The following MASTL variants were observed in gnomAD, a reference collection of about 807,000 sequenced individuals.
MASTL encodes the protein microtubule associated serine/threonine kinase like, also known as serine/threonine-protein kinase greatwall.
Under a neutral mutation model 82.5 loss-of-function variants are expected in MASTL, and 54 were observed. That is an observed-to-expected ratio of 0.65 (90% CI 0.53 to 0.82). The LOEUF (loss-of-function observed/expected upper bound fraction) is 0.82. Ranked by LOEUF, MASTL falls within the 40% of genes least tolerant of loss-of-function variation. MASTL has a pLI of 0.00. For synonymous variants in MASTL, 323 were observed against 368.9 expected (o/e 0.88, Z 1.43); for missense variants, 950 against 1,047.8 (o/e 0.91, Z 1.29).
chr10:27,186,700 G>A lies in MASTL; in HGVS notation c.*164G>A, dbSNP rs1422211488. 1 of 675,714 alleles carries A rather than the reference G, an allele frequency of 1.5e-6. No individual in the cohort carries two copies. The highest frequency in any genetic ancestry group is 1.7e-5 in the South Asian group (1 of 58,930). The allele number at this position is 675,714 out of a possible 1,614,324, so 41.9% of individuals were successfully genotyped here. A position where few individuals can be genotyped will look rare whatever the true frequency, so the allele number is the denominator to read the frequency against. ...CTTTCACAGAGTTAAAAGGCTGAAA[G>A]GAATATAGTCAGTAATTTATCTTAA... On this transcript the variant is annotated 3_prime_UTR_variant, in exon 12 of 12. Coordinates refer to ENST00000375940, the MANE Select transcript of MASTL (RefSeq NM_001172303.3).
intron 6 of MASTL, 124 bp from the exon 7 acceptor site, chr10:27,166,977 TG>T: frequency 1.7e-5 from 2 of 116,544 alleles, no homozygotes; most frequent in East Asian, 8.3e-5. Context: ...AGTTCTGATA[TG>T]TAATTCTTAA....
intron 4 of MASTL, among the ~76,000 whole-genome samples, chr10:27,162,935 G>A (rs1017143476): frequency 6.6e-6 from 1 of 151,918 alleles, no homozygotes; most frequent in Non-Finnish European, 1.5e-5. Context: ...GTTTGTTTTG[G>A]GATGGGGTTT....
rs115106246 is a variant in MASTL, at chr10:27,159,190, C to T, written c.325-429C>T. 6.8e-4 allele frequency among the ~76,000 whole-genome samples: 103 copies of T among 152,298 alleles called. No homozygotes were observed. The highest frequency in any genetic ancestry group is 2.4e-3 in the African/African-American group (99 of 41,564). The stretch of plus-strand genomic sequence containing the variant: ...TGCAATCTTGGCCACTCTGCACCTC[C>T]TGGGTTCAAGCAATTCTTGTGCCTC... On this transcript the variant is annotated intron_variant, in intron 2 of 11. Transcript: ENST00000375940. The surrounding 1 kb of genome is among the most constrained non-coding windows in gnomAD (Gnocchi z 4.0).
intron 6 of MASTL, 63 bp from the exon 7 acceptor site, chr10:27,167,039 T>A (rs1425482744): frequency 2.3e-6 from 3 of 1,290,048 alleles, no homozygotes; most frequent in Admixed American, 1.7e-5. Context: ...ATGTAAAGAT[T>A]CAGGTTCAGT....
rs1200456519 is a variant in MASTL at position 27,159,997 on chromosome 10, A to AT, written c.464+246dup. ...TATTTTTGTATTTACATATTTATTT[A>AT]TTTTTTTCTTTGTTGAGACAGGGTC... On this transcript the variant is annotated intron_variant, in intron 3 of 11. Transcript: ENST00000375940. This position sits in a 1 kb window ranked among gnomAD's most constrained non-coding sequence, Gnocchi z 4.0. 1.3e-5 allele frequency among the ~76,000 whole-genome samples: 2 copies of AT among 151,194 alleles called. No homozygotes were observed. The highest frequency in any genetic ancestry group is 2.9e-5 in the Non-Finnish European group (2 of 67,830).
chr10:27,185,324 C>A (rs61700379), intron 11 of MASTL, among the ~76,000 whole-genome samples: 15,327 of 152,074 alleles, frequency 0.1, 2,526 homozygotes, highest in African/African-American at 0.35. Context: ...TCCCCTGAGT[C>A]AGGGATTCTT....
intron 3 of MASTL, among the ~76,000 whole-genome samples, chr10:27,160,158 G>GTT (rs2057520485): frequency 2.4e-5 from 2 of 83,832 alleles, no homozygotes; most frequent in African/African-American, 1.0e-4. Context: ...ATTACTCTTG[G>GTT]CTTTTTTTTT....
chr10:27,157,889 G>A (rs2057446330), intron 1 of MASTL, among the ~76,000 whole-genome samples: 2 of 151,772 alleles, frequency 1.3e-5, no homozygotes. Context: ...AAATTAAGTA[G>A]TTACTCCACG....
chr10:27,163,049 T>C (rs1360353979), intron 4 of MASTL, among the ~76,000 whole-genome samples: 2 of 152,096 alleles, frequency 1.3e-5, no homozygotes, highest in African/African-American at 4.8e-5. Flanking sequence ...TCTGAGTAGC[T>C]GGGATTATAG....
intron 7 of MASTL, 38 bp from the exon 8 acceptor site, chr10:27,169,906 C>A: frequency 6.2e-7 from 1 of 1,603,576 alleles, no homozygotes; most frequent in Non-Finnish European, 8.5e-7. Context: ...TGAATCTCAG[C>A]TTTATATAAC....
At chr10:27,180,535 G>C (rs2058239996) in intron 9 of MASTL, among the ~76,000 whole-genome samples, 2 of 152,198 alleles carry the variant, frequency 1.3e-5, no homozygotes, top group South Asian at 4.1e-4. Context: ...GGGATTATAG[G>C]CATGTGCCAC....
chr10:27,173,868 C>T (rs1253526827), intron 9 of MASTL, among the ~76,000 whole-genome samples: 3 of 151,880 alleles, frequency 2.0e-5, no homozygotes, highest in East Asian at 1.9e-4. Context: ...CGTGAGCCAC[C>T]GTACCCGGCC....
At chr10:27,168,646 G>A (rs763585412) in intron 7 of MASTL, among the ~76,000 whole-genome samples, 5 of 152,032 alleles carry the variant, frequency 3.3e-5, no homozygotes, top group South Asian at 4.2e-4. Flanking sequence ...GCAAAACCCC[G>A]TCTCTACTAA....
At chr10:27,178,006 T>G (rs991154969) in intron 9 of MASTL, among the ~76,000 whole-genome samples, 1 of 152,188 alleles carries the variant, frequency 6.6e-6, no homozygotes, top group Non-Finnish European at 1.5e-5. Context: ...AAAAGAAATA[T>G]AGGCCTGAGG....
intron 8 of MASTL, among the ~76,000 whole-genome samples, chr10:27,171,676 G>A (rs1353432966): frequency 6.6e-6 from 1 of 151,382 alleles, no homozygotes; most frequent in African/African-American, 2.4e-5. Flanking sequence ...CAAGCAATCC[G>A]CCCACCTCGG....
At chr10:27,183,088 C>A (rs2058420391) in intron 11 of MASTL, among the ~76,000 whole-genome samples, 1 of 152,094 alleles carries the variant, frequency 6.6e-6, no homozygotes, top group African/African-American at 2.4e-5. Context: ...GAGAGATGTT[C>A]TGTAATTTCT....
rs1236406633 is a variant in MASTL at position 27,159,654 on chromosome 10, T to A, written c.360T>A (p.Ser120=). The change falls in exon 3 of 12, where the codon TCT becomes TCA. Residue 120 remains serine, a synonymous_variant. Coordinates refer to ENST00000375940, the MANE Select transcript of MASTL (RefSeq NM_001172303.3). The surrounding 1 kb of genome is among the most constrained non-coding windows in gnomAD (Gnocchi z 4.0). Reference sequence around the variant, plus strand: ...ATCTTATTGGGGGAGATGTCAAGTCTCTCCTACATATATATGGTTATTTTG... The same window carrying A: ...ATCTTATTGGGGGAGATGTCAAGTCACTCCTACATATATATGGTTATTTTG... ...MEYLIGGDVK[S]LLHIYGYFDE... 3.2e-6 allele frequency: 5 copies of A among 1,563,526 alleles called. No individual in the cohort carries two copies. In the Admixed American group the frequency reaches 8.3e-5, roughly 26 times the overall value.
intron 8 of MASTL, among the ~76,000 whole-genome samples, chr10:27,171,454 A>G (rs2057933939): frequency 7.1e-6 from 1 of 140,934 alleles, no homozygotes; most frequent in South Asian, 2.3e-4. Flanking sequence ...ATTATTATTG[A>G]GACAGTCTCG....
At chr10:27,160,885 T>G (rs1423544358) in intron 3 of MASTL, among the ~76,000 whole-genome samples, 2 of 152,276 alleles carry the variant, frequency 1.3e-5, no homozygotes, top group Non-Finnish European at 2.9e-5. Flanking sequence ...TAGTATTAAT[T>G]TATCTTTTTT....
Sources: allele counts gnomAD v4.1 joint callset (sites outside exome capture counted in the v4.1 genomes callset), GRCh38; gene constraint gnomAD v4.1.1; non-coding constraint Gnocchi (gnomAD v3.1); transcripts MANE v1.5; gene names NCBI Gene and HGNC (gene_info 2026-07-23, HGNC 2026-07-21).